The following TSEN54 variants were observed in gnomAD, a reference collection of about 807,000 sequenced individuals.
TSEN54 encodes tRNA splicing endonuclease subunit 54.
Under a neutral mutation model 61.9 loss-of-function variants are expected in TSEN54, and 55 were observed. The observed-to-expected ratio is 0.89, with a 90% CI of 0.72 to 1.11. The LOEUF is 1.11. Among genes scored for constraint, TSEN54 ranks in the 50% most tolerant of loss-of-function variants. TSEN54 has a pLI of 0.00. For missense variants in TSEN54, 760 were observed against 687.7 expected (o/e 1.11, Z -1.18); for synonymous variants, 304 against 288.7 (o/e 1.05, Z -0.54).
chr17:75,520,967 A>G (rs912230185), intron 6 of TSEN54, among the ~76,000 whole-genome samples: 3 of 152,112 alleles, frequency 2.0e-5, no homozygotes, highest in African/African-American at 4.8e-5. Context: ...AAAAAAAAAA[A>G]AAAGAAAAAG....
At position 75,517,572 on chromosome 17, in the gene TSEN54, T is replaced by C; in HGVS notation, c.385T>C (p.Phe129Leu). 6.2e-7 allele frequency: 1 copy of C among 1,613,816 alleles called. No individual in the cohort carries two copies. ...CCACTTCCAGGGCTCCATCCACCTCTTCCACCAAGACCTGCCACTGTCTAT... is the reference window on the plus strand; with the variant it reads ...CCACTTCCAGGGCTCCATCCACCTCCTCCACCAAGACCTGCCACTGTCTAT... ...YLLECGSIHL[F>L]HQDLPLSIQE... Residue 129 changes from phenylalanine (F) to leucine (L), a missense_variant, in exon 5 of 11, where the codon TTC becomes CTC. Physicochemically the swap from Phe to Leu is conservative, Grantham distance 22 (BLOSUM62 0). Transcript: ENST00000333213.
chr17:75,523,188 G>A (rs1331058181), intron 8 of TSEN54, 87 bp from the exon 9 acceptor site: 2 of 1,570,940 alleles, frequency 1.3e-6, no homozygotes, highest in East Asian at 2.2e-5. Context: ...AAAAAAAAAA[G>A]TTGCTAAATC....
intron 10 of TSEN54, 118 bp downstream of exon 10, chr17:75,523,897 C>G (rs2053464623): frequency 1.7e-6 from 2 of 1,181,450 alleles, no homozygotes; most frequent in Non-Finnish European, 2.5e-6. Context: ...AACAGGAGGT[C>G]CAGAGAGGCT....
chr17:75,524,240 C>T (rs774063094), intron 10 of TSEN54, 22 bp from the exon 11 acceptor site: 11 of 1,614,102 alleles, frequency 6.8e-6, no homozygotes, highest in East Asian at 2.2e-5. Flanking sequence ...CTGGGTCTCA[C>T]TCTAACCCTT....
chr17:75,516,690 C>G (rs1442444758), intron 1 of TSEN54, 56 bp from the exon 2 acceptor site: 1 of 1,323,820 alleles, frequency 7.6e-7, no homozygotes, highest in Non-Finnish European at 9.6e-7. Flanking sequence ...GCGCCCGGGA[C>G]CCGGCCAGGC....
rs536068745 is a variant in TSEN54, at chr17:75,517,213, A to G, written c.338A>G (p.His113Arg). 4 of 1,605,358 alleles carry G rather than the reference A, an allele frequency of 2.5e-6. No homozygotes were observed. The highest frequency in any genetic ancestry group is 2.6e-6 in the Non-Finnish European group (3 of 1,176,100). Residue 113 changes from histidine to arginine, a missense_variant, in exon 4 of 11, where the codon CAC becomes CGC. By Grantham distance (29) the His-to-Arg change is conservative. Coordinates refer to ENST00000333213, the MANE Select transcript of TSEN54 (RefSeq NM_207346.3). Reference sequence around the variant, plus strand: ...TCAGAGCAGGGCCGGCAGCGCCTTCACCCGGAAGAGGCCTTGTATCTTCTG... The same window carrying G: ...TCAGAGCAGGGCCGGCAGCGCCTTCGCCCGGAAGAGGCCTTGTATCTTCTG... ...GFSEQGRQRLHPEEALYLLEC... is the reference protein window; with the variant it reads ...GFSEQGRQRLRPEEALYLLEC...
In TSEN54 at chr17:75,521,509, C is replaced by T. The variant is rs147165460; in HGVS notation, c.622C>T (p.Arg208Trp). ...GAGAAAGAGGAGCAGCTCCAGCCCT[C>T]GGTAACTCCCACATCACGGTGGCCC... is the stretch of plus-strand genomic sequence containing the variant. The part of the protein sequence containing the change: ...GKRKRSSSSP[R>W]SINKKAKALD... The change falls in exon 7 of 11, where the codon CGG (arginine) becomes TGG (tryptophan). Residue 208 changes from arginine (R) to tryptophan (W), a missense_variant and splice_region_variant. Arg to Trp is a moderately radical substitution (Grantham distance 101). Around this residue, in one of 3 missense-constraint regions of TSEN54, gnomAD observed 667 missense variants for 577.8 expected, o/e 1.15. Transcript: ENST00000333213. 76 of 1,613,864 alleles carry T rather than the reference C, an allele frequency of 4.7e-5. No individual in the cohort carries two copies. The African/African-American group carries it at 6.0e-4, about 13-fold the overall frequency.
rs373044979 is a variant in TSEN54, at chr17:75,517,084, G to A, written c.285+12G>A. The stretch of plus-strand genomic sequence containing the variant: ...TGAAGTCTCCCGCGGTGAGCGGCGG[G>A]CTCGGGGACCGGGGACCGCCCTCCC... On this transcript the variant is annotated intron_variant, in intron 3 of 10. Transcript: ENST00000333213. 2,318 of 1,590,030 alleles carry A rather than the reference G, an allele frequency of 1.5e-3. 1 individual carries two copies. The highest frequency in any genetic ancestry group is 1.8e-3 in the Non-Finnish European group (2,129 of 1,169,654).
rs1168109145 is a variant in TSEN54 at position 75,517,193 on chromosome 17, G to A, written c.318G>A (p.Glu106=). 6.2e-7 allele frequency: 1 copy of A among 1,607,780 alleles called. No individual in the cohort carries two copies. Among genetic ancestry groups the A allele is most frequent in the Non-Finnish European group, 8.5e-7 (1 of 1,177,276 alleles). ...GKFWQTMGFS[E]QGRQRLHPEE... The stretch of plus-strand genomic sequence containing the variant: ...TCTGGCAGACCATGGGCTTCTCAGA[G>A]CAGGGCCGGCAGCGCCTTCACCCGG... The change falls in exon 4 of 11, where the codon GAG becomes GAA. Residue 106 remains glutamate (E), a synonymous_variant. Transcript: ENST00000333213.
chr17:75,522,555 A>AT (rs1267418348), intron 8 of TSEN54: 1 of 1,430,076 alleles, frequency 7.0e-7, no homozygotes, highest in Middle Eastern at 2.6e-4. Context: ...GGTGGAAACT[A>AT]TGACCATATC....
chr17:75,517,777 TGCTGTCACGAG>T lies in TSEN54; in HGVS notation c.468+126_468+136del, dbSNP rs1157598841. The T allele has an allele frequency of 1.2e-5, 10 of 866,562 alleles. No individual in the cohort carries two copies. In the East Asian group the frequency reaches 2.5e-4, roughly 21 times the overall value. The allele number at this position is 866,562 out of a possible 1,614,324, so 53.7% of individuals were successfully genotyped here. ...GGGGCTGCAGGGCAGACGAGGGCTA[TGCTGTCACGAG>T]GCTTACATTGTGGTGGTGGCCTGTT... On this transcript the variant is annotated intron_variant, in intron 5 of 10. Coordinates refer to ENST00000333213, the MANE Select transcript of TSEN54 (RefSeq NM_207346.3).
In TSEN54 at chr17:75,524,349, T is replaced by A. The variant is rs766045873; in HGVS notation, c.1518T>A (p.Asp506Glu). 3 of 1,614,060 alleles carry A rather than the reference T, an allele frequency of 1.9e-6. No homozygotes were observed. Among genetic ancestry groups the A allele is most frequent in the East Asian group, 2.2e-5 (1 of 44,902 alleles). The change falls in exon 11 of 11, where the codon GAT becomes GAA. Residue 506 changes from aspartate (D) to glutamate (E), a missense_variant. By Grantham distance (45) the Asp-to-Glu change is conservative. This residue lies in a region of TSEN54 where 83 missense variants were observed against 82.9 expected (regional missense o/e 1.00). Coordinates refer to ENST00000333213, the MANE Select transcript of TSEN54 (RefSeq NM_207346.3). The part of the protein sequence containing the change: ...GDVPLIFALV[D>E]HGDISFYSFR... ...TCCCTCTGATCTTTGCCCTGGTGGA[T>A]CATGGTGACATCTCCTTCTACAGCT...
At chr17:75,517,115 TCCCTGCC>T (rs1568000984) in intron 3 of TSEN54, 39 bp from the exon 4 acceptor site, 13 of 1,432,556 alleles carry the variant, frequency 9.1e-6, no homozygotes, top group Admixed American at 1.9e-5. Flanking sequence ...CTCCCTGCCC[TCCCTGCC>T]CTCCCTCCCT....
At chr17:75,517,471 G>A (rs2053385232) in intron 4 of TSEN54, 86 bp from the exon 5 acceptor site, 3 of 1,277,308 alleles carry the variant, frequency 2.3e-6, no homozygotes, top group Non-Finnish European at 3.4e-6. Context: ...AGGGGGAGGG[G>A]GAGGTATCAG....
intron 10 of TSEN54, 142 bp from the exon 11 acceptor site, chr17:75,524,120 T>C (rs2053470685): frequency 8.1e-7 from 1 of 1,237,482 alleles, no homozygotes; most frequent in African/African-American, 1.5e-5. Context: ...GCGCTCTTCA[T>C]CAGAGCCCTG....
chr17:75,522,292 C>A lies in TSEN54; in HGVS notation c.1211C>A (p.Pro404His). Reference sequence around the variant, plus strand: ...CGGGCCCCTCACCTGTGGGGCCAGCCCGTCACCCCGCTGCTGAGTCCTGGC... The same window carrying A: ...CGGGCCCCTCACCTGTGGGGCCAGCACGTCACCCCGCTGCTGAGTCCTGGC... ...QRRAPHLWGQ[P>H]VTPLLSPGQA... Residue 404 changes from proline (P) to histidine (H), a missense_variant, in exon 8 of 11, where the codon CCC becomes CAC. Around this residue, in one of 3 missense-constraint regions of TSEN54, gnomAD observed 667 missense variants for 577.8 expected, o/e 1.15. Coordinates refer to ENST00000333213, the MANE Select transcript of TSEN54 (RefSeq NM_207346.3). 6.5e-7 allele frequency: 1 copy of A among 1,546,254 alleles called. No individual in the cohort carries two copies. The highest frequency in any genetic ancestry group is 1.2e-5 in the South Asian group (1 of 83,974).
Position 75,523,504 on chromosome 17 carries a change from A to C in TSEN54, c.1314-159A>C, listed in dbSNP as rs908825236. 2.5e-6 allele frequency: 4 copies of C among 1,598,596 alleles called. No individual in the cohort carries two copies. The African/African-American group carries it at 5.4e-5, about 21-fold the overall frequency. On this transcript the variant is annotated intron_variant, in intron 9 of 10. Transcript: ENST00000333213. ...GTTCGTGTGTGTCTAGGGAAGAGGG[A>C]GAATAACCAGTGGGTTAGCCCAAGG...
rs765323986 is a variant in TSEN54, at chr17:75,517,158, CAG to C, written c.286-2_286-1del. ...TGTGACACTTGCTCTGGGCCCCACA[CAG>C]GGCAAATTCTGGCAGACCATGGGCT... On this transcript the variant is annotated splice_acceptor_variant, in intron 3 of 10. Transcript: ENST00000333213. LOFTEE classifies it high-confidence loss of function. The C allele has an allele frequency of 3.1e-6, 5 of 1,593,050 alleles. No individual in the cohort carries two copies. In the South Asian group the frequency reaches 4.5e-5, roughly 14 times the overall value.
chr17:75,516,626 G>A lies in TSEN54; in HGVS notation c.56+10G>A. Reference sequence around the variant, plus strand: ...CGGGGCGCGTGCTCAGGTGCGGCGCGGCCCGGCCGGAGTGGGTGTCGGGGG... The same window carrying A: ...CGGGGCGCGTGCTCAGGTGCGGCGCAGCCCGGCCGGAGTGGGTGTCGGGGG... On this transcript the variant is annotated intron_variant, in intron 1 of 10. Transcript: ENST00000333213. 2 of 1,199,108 alleles carry A rather than the reference G, an allele frequency of 1.7e-6. No individual in the cohort carries two copies. Among genetic ancestry groups the A allele is most frequent in the Non-Finnish European group, 2.1e-6 (2 of 968,254 alleles). The allele number at this position is 1,199,108 out of a possible 1,614,324, so 74.3% of individuals were successfully genotyped here.
Sources: allele counts gnomAD v4.1 joint callset (sites outside exome capture counted in the v4.1 genomes callset), GRCh38; gene constraint gnomAD v4.1.1; regional missense constraint gnomAD v4.1.1; transcripts MANE v1.5; gene names NCBI Gene and HGNC (gene_info 2026-07-23, HGNC 2026-07-21).